The following CPM variants were observed in gnomAD, a reference collection of about 807,000 sequenced individuals.
CPM encodes the protein carboxypeptidase M.
Under a neutral mutation model 46.4 loss-of-function variants are expected in CPM, and 35 were observed. The observed-to-expected ratio is 0.75, with a 90% CI of 0.58 to 1.00. CPM has a LOEUF of 1.00. Among genes scored for constraint, CPM ranks in the 50% least tolerant of loss-of-function variants. The pLI, the probability that CPM is intolerant of heterozygous loss-of-function variation, is 0.00. For synonymous variants in CPM, 195 were observed against 195.3 expected (o/e 1.00, Z 0.01); for missense variants, 422 against 530.4 (o/e 0.80, Z 2.01).
chr12:68,858,900 A>G (rs377535126), intron 8 of CPM, 23 bp downstream of exon 8: 71 of 1,370,814 alleles, frequency 5.2e-5, no homozygotes, highest in Non-Finnish European at 6.3e-5. Flanking sequence ...TTTTAATAAC[A>G]ATAACTAGCA....
intron 6 of CPM, among the ~76,000 whole-genome samples, chr12:68,868,383 C>T (rs1885548511): frequency 6.6e-6 from 1 of 152,224 alleles, no homozygotes; most frequent in South Asian, 2.1e-4. Context: ...TACCTGAAAG[C>T]CTGTGCATCC....
intron 1 of CPM, among the ~76,000 whole-genome samples, chr12:68,961,047 G>A (rs1052151290): frequency 1.3e-5 from 2 of 152,216 alleles, no homozygotes; most frequent in Non-Finnish European, 2.9e-5. Context: ...CTTACTGGTT[G>A]TTACCCAAAT....
At chr12:68,930,413 A>AAG (rs761317628) in intron 2 of CPM, among the ~76,000 whole-genome samples, 27 of 152,172 alleles carry the variant, frequency 1.8e-4, no homozygotes, top group Non-Finnish European at 3.8e-4. Context: ...AACTTATCTT[A>AAG]CATCAGAGGG....
At chr12:68,844,822 A>C (rs1168212434) in intron 5 of CPM, 1 of 201,308 alleles carries the variant, frequency 5.0e-6, no homozygotes, top group Non-Finnish European at 1.0e-5. Flanking sequence ...GCTGGAGTAC[A>C]GTGGTGCAAT....
chr12:68,934,857 C>T (rs190412557), upstream of CPM, among the ~76,000 whole-genome samples: 600 of 151,988 alleles, frequency 3.9e-3, no homozygotes, highest in African/African-American at 0.014. Context: ...CAGCTTAATT[C>T]GTAACTCTTT....
intron 2 of CPM, among the ~76,000 whole-genome samples, chr12:68,910,420 T>C (rs1887547073): frequency 6.6e-6 from 1 of 152,210 alleles, no homozygotes; most frequent in Non-Finnish European, 1.5e-5. Context: ...ACTTTTTTTT[T>C]ACTTCACAAT....
chr12:68,913,871 A>G (rs1565794347), intron 2 of CPM: 1 of 673,132 alleles, frequency 1.5e-6, no homozygotes, highest in Non-Finnish European at 2.8e-6. Context: ...AATTACATCA[A>G]GAGCCAGTTC....
upstream of CPM, among the ~76,000 whole-genome samples, chr12:68,934,683 C>T (rs769253933): frequency 1.3e-5 from 2 of 152,054 alleles, no homozygotes; most frequent in African/African-American, 4.8e-5. Context: ...AGAACTGAGG[C>T]GCTCACGGGA....
intron 2 of CPM, among the ~76,000 whole-genome samples, chr12:68,886,436 T>C (rs1216139893): frequency 3.9e-5 from 6 of 151,924 alleles, no homozygotes; most frequent in African/African-American, 1.5e-4. Context: ...ATCGAGACCA[T>C]CCTGGCTAAC....
chr12:68,944,643 G>A (rs1001314383), intron 1 of CPM, among the ~76,000 whole-genome samples: 13 of 151,828 alleles, frequency 8.6e-5, no homozygotes, highest in South Asian at 4.2e-4. Flanking sequence ...CAAGTCATCC[G>A]CCCAGCTCAG....
intron 2 of CPM, among the ~76,000 whole-genome samples, chr12:68,920,561 A>G (rs1303733390): frequency 6.6e-6 from 1 of 152,238 alleles, no homozygotes; most frequent in African/African-American, 2.4e-5. Context: ...CACTCACAGC[A>G]AGAATAGTTA....
intron 3 of CPM, among the ~76,000 whole-genome samples, chr12:68,874,073 C>T (rs61926281): frequency 0.62 from 93,543 of 151,808 alleles, 28,906 homozygotes; most frequent in East Asian, 0.7. Flanking sequence ...CCCAAAGTGC[C>T]GGGATTACTG....
chr12:68,929,328 T>C (rs552099871), intron 2 of CPM, among the ~76,000 whole-genome samples: 1 of 152,238 alleles, frequency 6.6e-6, no homozygotes, highest in African/African-American at 2.4e-5. Flanking sequence ...TAAATAGATA[T>C]AGATTATTGA....
rs1185889007 is a variant in CPM, at chr12:68,923,158, AGAGTGTGTGTGTGTGTGTGT to A, written c.160+9500_160+9519del. 9.6e-3 allele frequency among the ~76,000 whole-genome samples: 1,265 copies of A among 131,894 alleles called. 20 individuals carry two copies. The highest frequency in any genetic ancestry group is 0.04 in the South Asian group (156 of 3,928). The allele number at this position is 131,894 out of a possible 152,430, so 86.5% of individuals were successfully genotyped here. On this transcript the variant is annotated intron_variant, in intron 2 of 8. Coordinates refer to ENST00000551568, the MANE Select transcript of CPM (RefSeq NM_198320.5). ...CCAAATGCATGTTGGTATTTGATAT[AGAGTGTGTGTGTGTGTGTGT>A]GTGTGTGTGTGTGTGTGTGTGTGTG...
intron 2 of CPM, among the ~76,000 whole-genome samples, chr12:68,929,859 T>C (rs1405217703): frequency 1.3e-5 from 2 of 151,840 alleles, no homozygotes; most frequent in African/African-American, 2.4e-5. Context: ...GGAAATAACA[T>C]GAAATGAAAA....
intron 1 of CPM, among the ~76,000 whole-genome samples, chr12:68,940,775 C>A (rs2136330194): frequency 6.6e-6 from 1 of 152,060 alleles, no homozygotes; most frequent in Middle Eastern, 3.4e-3. Context: ...GCAAATTTTT[C>A]TTTATGATAA....
intron 7 of CPM, among the ~76,000 whole-genome samples, chr12:68,860,374 C>T (rs1885156036): frequency 6.6e-6 from 1 of 152,128 alleles, no homozygotes; most frequent in Non-Finnish European, 1.5e-5. Flanking sequence ...TTAGGTAGTA[C>T]CCAATCATAA....
chr12:68,879,567 G>A (rs146167796), intron 3 of CPM, among the ~76,000 whole-genome samples: 1 of 152,090 alleles, frequency 6.6e-6, no homozygotes, highest in East Asian at 1.9e-4. Flanking sequence ...GTCTTACTAT[G>A]TTTCTCAGGC....
chr12:68,893,089 C>T lies in CPM; in HGVS notation c.161-7200G>A, dbSNP rs1297912029. The stretch of plus-strand genomic sequence containing the variant: ...CCATGGCACATGTATACCTATGTAA[C>T]GAACCTGCATGCTCTGCACACGTAT... On this transcript the variant is annotated intron_variant, in intron 2 of 8. Transcript: ENST00000551568. 2.0e-5 allele frequency among the ~76,000 whole-genome samples: 3 copies of T among 147,460 alleles called. No individual in the cohort carries two copies. In the Admixed American group the frequency reaches 2.1e-4, roughly 10 times the overall value.
Sources: gnomAD v4.1 joint callset for allele counts (sites outside exome capture counted in the v4.1 genomes callset) on GRCh38, gnomAD v4.1.1 for gene constraint, MANE v1.5 for transcripts, NCBI Gene and HGNC (gene_info 2026-07-23, HGNC 2026-07-21) for gene names.